The following MRPS18B variants were observed in gnomAD, a reference collection of about 807,000 sequenced individuals.
MRPS18B encodes the protein mitochondrial ribosomal protein S18B.
Under a neutral mutation model 28.4 loss-of-function variants are expected in MRPS18B, and 27 were observed. That is an observed-to-expected ratio of 0.95 (90% confidence interval 0.70 to 1.31). The LOEUF (loss-of-function observed/expected upper bound fraction) is 1.31, where lower values mean the gene tolerates loss of function less well. Among genes scored for constraint, MRPS18B ranks in the 40% most tolerant of loss-of-function variants. The pLI is 0.00. For synonymous variants in MRPS18B, 118 were observed against 123.7 expected, an observed-to-expected ratio of 0.95 and a Z score of 0.30; for missense variants, 343 against 335.9, an observed-to-expected ratio of 1.02 and a Z score of -0.17.
chr6:30,623,780 GT>G (rs1326967547), intron 5 of MRPS18B, among the ~76,000 whole-genome samples: 43 of 144,426 alleles, frequency 3.0e-4, no homozygotes, highest in Middle Eastern at 3.6e-3. Context: ...ATTTTTTGTT[GT>G]TTTTTTTTTT....
In MRPS18B at chr6:30,622,806, C is replaced by T. The variant is rs759002030; in HGVS notation, c.355-26C>T. 3.2e-5 allele frequency: 52 copies of T among 1,610,534 alleles called. 1 individual carries two copies. In the South Asian group the frequency reaches 4.9e-4, roughly 15 times the overall value. On this transcript the variant is annotated intron_variant, in intron 4 of 6. Coordinates refer to ENST00000259873, the MANE Select transcript of MRPS18B (RefSeq NM_014046.4). Reference sequence around the variant, plus strand: ...CTGCTCTCCCTGCCTCTTTTCCTCACGTTTCTCTACCACTTTCCCCCACAG... The same window carrying T: ...CTGCTCTCCCTGCCTCTTTTCCTCATGTTTCTCTACCACTTTCCCCCACAG...
Position 30,625,495 on chromosome 6 carries a change from C to A in MRPS18B, c.482-7C>A. ...TCTTAAATTTCTTTTCTTTTTTAAT[C>A]CCTTAGGTCTCCTCATTTACCACAT... On this transcript the variant is annotated splice_polypyrimidine_tract_variant and splice_region_variant and intron_variant, in intron 6 of 6. Transcript: ENST00000259873. 6.5e-7 allele frequency: 1 copy of A among 1,535,324 alleles called. No individual in the cohort carries two copies. The highest frequency in any genetic ancestry group is 1.2e-5 in the South Asian group (1 of 81,020).
chr6:30,625,527 G>A lies in MRPS18B; in HGVS notation c.507G>A (p.Gln169=), dbSNP rs771306839. 1 of 1,575,784 alleles carries A rather than the reference G, an allele frequency of 6.3e-7. No individual in the cohort carries two copies. Among genetic ancestry groups the A allele is most frequent in the Non-Finnish European group, 8.7e-7 (1 of 1,153,692 alleles). ...DHGLLIYHIP[Q]VEPRDLDFST... Reference sequence around the variant, plus strand: ...GTCTCCTCATTTACCACATCCCCCAGGTTGAACCACGGGACCTTGACTTCA... The same window carrying A: ...GTCTCCTCATTTACCACATCCCCCAAGTTGAACCACGGGACCTTGACTTCA... Residue 169 remains glutamine, a synonymous_variant, in exon 7 of 7, where the codon CAG becomes CAA. Transcript: ENST00000259873.
intron 2 of MRPS18B, 30 bp downstream of exon 2, chr6:30,619,631 G>C (rs1382966625): frequency 6.2e-7 from 1 of 1,609,152 alleles, no homozygotes; most frequent in Non-Finnish European, 8.5e-7. Flanking sequence ...GGGAGGGTCA[G>C]ATAGGATTTG....
intron 4 of MRPS18B, among the ~76,000 whole-genome samples, chr6:30,621,672 G>A (rs1268454406): frequency 6.6e-6 from 1 of 152,088 alleles, no homozygotes; most frequent in African/African-American, 2.4e-5. Flanking sequence ...GGCCAGGTGC[G>A]GTGGCTCATG....
In MRPS18B at chr6:30,625,474, A is replaced by G. The variant is rs375086383; in HGVS notation, c.482-28A>G. The G allele has an allele frequency of 1.7e-4, 262 of 1,503,938 alleles. No homozygotes were observed. In the African/African-American group the frequency reaches 3.1e-3, roughly 18 times the overall value. 93.2% of individuals were successfully genotyped at this position (1,503,938 alleles called of 1,614,324 possible). A position where few individuals can be genotyped will look rare whatever the true frequency, so the allele number is the denominator to read the frequency against. ...TAAACCACCCTCCTCATTGCCTCTT[A>G]AATTTCTTTTCTTTTTTAATCCCTT... is the stretch of plus-strand genomic sequence containing the variant. On this transcript the variant is annotated intron_variant, in intron 6 of 6. Coordinates refer to ENST00000259873, the MANE Select transcript of MRPS18B (RefSeq NM_014046.4).
chr6:30,618,281 C>G (rs934332278), intron 1 of MRPS18B, among the ~76,000 whole-genome samples: 1 of 152,130 alleles, frequency 6.6e-6, no homozygotes, highest in African/African-American at 2.4e-5. Flanking sequence ...TGTATCGTTG[C>G]AATTTTAGCA....
In MRPS18B at chr6:30,617,850, C is replaced by T. The variant is rs199867691; in HGVS notation, c.-16C>T. 3.7e-6 allele frequency: 6 copies of T among 1,614,058 alleles called. No individual in the cohort carries two copies. The African/African-American group carries it at 5.3e-5, about 14-fold the overall frequency. On this transcript the variant is annotated 5_prime_UTR_variant, in exon 1 of 7. Coordinates refer to ENST00000259873, the MANE Select transcript of MRPS18B (RefSeq NM_014046.4). The stretch of plus-strand genomic sequence containing the variant: ...AGTTGCCTTTCCGTCAATTCCTGTC[C>T]TGGGCGTACGTCAAGATGGCGGCGT...
intron 4 of MRPS18B, among the ~76,000 whole-genome samples, chr6:30,621,133 G>A (rs1012577629): frequency 2.0e-5 from 3 of 152,194 alleles, no homozygotes; most frequent in Non-Finnish European, 2.9e-5. Context: ...TGGGTGCGGC[G>A]GCCCATGCCT....
At chr6:30,620,415 T>G (rs1276745065) in intron 4 of MRPS18B, among the ~76,000 whole-genome samples, 1 of 152,186 alleles carries the variant, frequency 6.6e-6, no homozygotes, top group Non-Finnish European at 1.5e-5. Context: ...GCCCCACACT[T>G]CGTATATCCA....
rs1181279985 is a variant in MRPS18B at position 30,625,835 on chromosome 6, T to C, written c.*38T>C. 1.3e-6 allele frequency: 2 copies of C among 1,568,618 alleles called. No homozygotes were observed. The highest frequency in any genetic ancestry group is 2.3e-5 in the South Asian group (2 of 87,202). On this transcript the variant is annotated 3_prime_UTR_variant, in exon 7 of 7. Transcript: ENST00000259873. ...GGGAAGAGAGGCCAGGCGTGGTGGCTCACTCCTGTAATCCCAGCACTTTGG... is the reference window on the plus strand; with the variant it reads ...GGGAAGAGAGGCCAGGCGTGGTGGCCCACTCCTGTAATCCCAGCACTTTGG...
chr6:30,622,058 C>CT (rs1279235102), intron 4 of MRPS18B, among the ~76,000 whole-genome samples: 2 of 151,778 alleles, frequency 1.3e-5, no homozygotes, highest in Non-Finnish European at 2.9e-5. Context: ...AATGTACCTG[C>CT]TTTTTTTTCA....
At chr6:30,619,676 C>T (rs772167334) in intron 2 of MRPS18B, 33 bp from the exon 3 acceptor site, 38 of 1,611,400 alleles carry the variant, frequency 2.4e-5, no homozygotes, top group Non-Finnish European at 3.1e-5. Flanking sequence ...TACACTCCCA[C>T]CCAGGAATAA....
At chr6:30,619,889 A>G in intron 3 of MRPS18B, 32 bp from the exon 4 acceptor site, 1 of 1,613,370 alleles carries the variant, frequency 6.2e-7, no homozygotes, top group Non-Finnish European at 8.5e-7. Context: ...GTGTTTGAAC[A>G]TCCTTAACTG....
intron 6 of MRPS18B, 109 bp downstream of exon 6, chr6:30,625,051 G>A: frequency 8.5e-7 from 1 of 1,182,416 alleles, no homozygotes; most frequent in East Asian, 2.5e-5. Context: ...GTAGCACCCA[G>A]CATGTTCTTC....
intron 1 of MRPS18B, 131 bp downstream of exon 1, chr6:30,618,074 G>T: frequency 1.2e-6 from 1 of 859,970 alleles, no homozygotes; most frequent in Non-Finnish European, 1.8e-6. Flanking sequence ...AGTACTTCCT[G>T]CAACCCCCCC....
Position 30,625,907 on chromosome 6 carries a change from C to G in MRPS18B, c.*110C>G. ...CTTGATCCCAGGAGTTTGAGACCAG[C>G]CTGGGCACCATGGTGAAACCTCGTC... On this transcript the variant is annotated 3_prime_UTR_variant, in exon 7 of 7. Coordinates refer to ENST00000259873, the MANE Select transcript of MRPS18B (RefSeq NM_014046.4). 8.2e-7 allele frequency: 1 copy of G among 1,214,302 alleles called. No individual in the cohort carries two copies. 75.2% of individuals were successfully genotyped at this position (1,214,302 alleles called of 1,614,324 possible). A position where few individuals can be genotyped will look rare whatever the true frequency, so the allele number is the denominator to read the frequency against.
At chr6:30,620,833 G>A (rs1761112159) in intron 4 of MRPS18B, among the ~76,000 whole-genome samples, 1 of 152,010 alleles carries the variant, frequency 6.6e-6, no homozygotes, top group Non-Finnish European at 1.5e-5. Flanking sequence ...CTCCCAAAAT[G>A]CTGGGATTAC....
chr6:30,621,114 C>G (rs1435357450), intron 4 of MRPS18B, among the ~76,000 whole-genome samples: 1 of 152,150 alleles, frequency 6.6e-6, no homozygotes, highest in Non-Finnish European at 1.5e-5. Context: ...AATTTGAAAA[C>G]ATATTGGCTG....
Sources: gnomAD v4.1 joint callset for allele counts (sites outside exome capture counted in the v4.1 genomes callset) on GRCh38, gnomAD v4.1.1 for gene constraint, MANE v1.5 for transcripts, NCBI Gene and HGNC (gene_info 2026-07-23, HGNC 2026-07-21) for gene names.